Variants in DPP4 observed in about 807,000 individuals in gnomAD.
DPP4 encodes ADCP-2.
Under a neutral mutation model 122.4 loss-of-function variants are expected in DPP4, and 93 were observed. The ratio of observed to expected loss-of-function variants is 0.76; its 90% CI spans 0.64 to 0.90. The LOEUF (loss-of-function observed/expected upper bound fraction) is 0.90. DPP4 is among the 40% of genes least tolerant of loss of function. The pLI is 0.00. For synonymous variants in DPP4, 321 were observed against 302.9 expected (o/e 1.06, Z -0.62); for missense variants, 914 against 907.3 (o/e 1.01, Z -0.09).
rs75278801 is a variant in DPP4, at chr2:162,009,313, A to T, written c.1833-18T>A. ...AAAATTGTCTAAAACACAAGGAAAA[A>T]GTCCACAGATCAGTACTGCATTGTG... On this transcript the variant is annotated intron_variant, in intron 20 of 25. Transcript: ENST00000360534. 4.1e-3 allele frequency: 6,600 copies of T among 1,612,534 alleles called. 227 individuals are homozygous for T. In the African/African-American group the frequency reaches 0.076, roughly 19 times the overall value.
At chr2:161,998,971 A>G (rs1559703516) in intron 23 of DPP4, among the ~76,000 whole-genome samples, 3 of 152,256 alleles carry the variant, frequency 2.0e-5, no homozygotes, top group South Asian at 2.1e-4. Flanking sequence ...CAACTGCAAG[A>G]TAAGTGTGCC....
chr2:162,050,437 C>T (rs1454890256), intron 2 of DPP4, among the ~76,000 whole-genome samples: 1 of 152,168 alleles, frequency 6.6e-6, no homozygotes, highest in Non-Finnish European at 1.5e-5. Context: ...CACATTCAGG[C>T]TCCCTTCTGC....
At chr2:162,019,160 T>C in intron 15 of DPP4, 63 bp downstream of exon 15, 8 of 1,414,828 alleles carry the variant, frequency 5.7e-6, no homozygotes, top group Non-Finnish European at 7.9e-6. Flanking sequence ...AAAATAAAAA[T>C]AGAGTTCAGA....
intron 15 of DPP4, 88 bp downstream of exon 15, chr2:162,019,131 ATTAG>A (rs140360804): frequency 0.037 from 43,672 of 1,172,802 alleles, 2,643 homozygotes; most frequent in East Asian, 0.2. Flanking sequence ...CCAGTTTAAT[ATTAG>A]TTAGGACAAG....
At chr2:162,055,662 A>T (rs537995493) in intron 2 of DPP4, among the ~76,000 whole-genome samples, 1 of 150,234 alleles carries the variant, frequency 6.7e-6, no homozygotes. Flanking sequence ...ACAAAGTGAA[A>T]CTCTGTCTCA....
rs373144564 is a variant in DPP4, at chr2:162,019,412, C to T, written c.1245-136G>A. The T allele has an allele frequency of 9.1e-5, 51 of 563,042 alleles. No individual in the cohort carries two copies. In the African/African-American group the frequency reaches 9.1e-4, roughly 10 times the overall value. 34.9% of individuals were successfully genotyped at this position (563,042 alleles called of 1,614,324 possible). ...TGCCCGCCGCCCTCCGCCATCGCTT[C>T]CGTGTCCCTCACCCCCGAGAAGCCA... On this transcript the variant is annotated intron_variant, in intron 14 of 25. Transcript: ENST00000360534.
At chr2:162,046,851 T>C (rs780518495) in intron 4 of DPP4, 64 bp downstream of exon 4, 1 of 1,059,968 alleles carries the variant, frequency 9.4e-7, no homozygotes. Context: ...TACTCGTGAT[T>C]CCAAAGGTAA....
rs758495307 is a variant in DPP4 at position 162,016,884 on chromosome 2, A to G, written c.1469-18T>C. On this transcript the variant is annotated intron_variant, in intron 17 of 25. Coordinates refer to ENST00000360534, the MANE Select transcript of DPP4 (RefSeq NM_001935.4). Reference sequence around the variant, plus strand: ...TCTCAGCCCTAAAGAAATACAGGAGACAGCAGTCATTCATTACAATGTGAA... The same window carrying G: ...TCTCAGCCCTAAAGAAATACAGGAGGCAGCAGTCATTCATTACAATGTGAA... 66 of 1,592,768 alleles carry G rather than the reference A, an allele frequency of 4.1e-5. No homozygotes were observed. The highest frequency in any genetic ancestry group is 5.6e-5 in the Non-Finnish European group (66 of 1,171,018).
chr2:161,993,434 TA>T (rs397977835), intron 25 of DPP4, 50 bp from the exon 26 acceptor site: 49,952 of 950,154 alleles, frequency 0.053, no homozygotes, highest in South Asian at 0.062. Flanking sequence ...GTACTCTTCT[TA>T]AAAAAAAAAA....
At chr2:162,050,558 G>A (rs1684346026) in intron 2 of DPP4, among the ~76,000 whole-genome samples, 1 of 152,182 alleles carries the variant, frequency 6.6e-6, no homozygotes, top group African/African-American at 2.4e-5. Context: ...GCTTACCCTG[G>A]TCTGTGTGAG....
intron 12 of DPP4, among the ~76,000 whole-genome samples, chr2:162,021,857 T>G (rs1683140764): frequency 6.6e-6 from 1 of 151,884 alleles, no homozygotes; most frequent in Non-Finnish European, 1.5e-5. Flanking sequence ...CCACTTTTCA[T>G]GTTGGCAAAC....
chr2:162,005,989 G>T (rs952332557), intron 22 of DPP4, among the ~76,000 whole-genome samples, 180 bp from the exon 23 acceptor site: 1 of 152,106 alleles, frequency 6.6e-6, no homozygotes, highest in Non-Finnish European at 1.5e-5. Flanking sequence ...GCACCTTATG[G>T]GAGGTAATTT....
intron 2 of DPP4, among the ~76,000 whole-genome samples, chr2:162,061,956 T>C (rs1427035869): frequency 4.6e-5 from 7 of 152,120 alleles, no homozygotes; most frequent in Non-Finnish European, 8.8e-5. Flanking sequence ...GAAAAGGACA[T>C]GATTTGACTT....
intron 2 of DPP4, among the ~76,000 whole-genome samples, chr2:162,061,003 TCC>T (rs1684754184): frequency 2.5e-5 from 1 of 39,544 alleles, no homozygotes; most frequent in Non-Finnish European, 4.5e-5. Context: ...CCTCCCTCCC[TCC>T]CTCCTTCCTT....
chr2:162,012,106 G>T, intron 19 of DPP4, 119 bp from the exon 20 acceptor site: 1 of 950,382 alleles, frequency 1.1e-6, no homozygotes, highest in Non-Finnish European at 1.6e-6. Context: ...CTTAAACTGT[G>T]CCAGCCTATG....
chr2:162,032,050 A>G (rs1211128038), intron 10 of DPP4: 1 of 152,228 alleles, frequency 6.6e-6, no homozygotes, highest in Non-Finnish European at 1.5e-5. Flanking sequence ...AGCACAGCCC[A>G]CAGCCTTCCT....
At chr2:162,017,732 T>C (rs532455912) in intron 16 of DPP4, among the ~76,000 whole-genome samples, 7 of 152,372 alleles carry the variant, frequency 4.6e-5, no homozygotes, top group East Asian at 3.8e-4. Flanking sequence ...ACTGTGGTAG[T>C]TGCAGAGTGG....
At chr2:162,048,431 C>T (rs1011023022) in intron 2 of DPP4, among the ~76,000 whole-genome samples, 4 of 152,096 alleles carry the variant, frequency 2.6e-5, no homozygotes, top group African/African-American at 4.8e-5. Context: ...GTGATCCCTT[C>T]GCCAAAAGTT....
chr2:162,043,526 C>T (rs1684063574), intron 5 of DPP4, among the ~76,000 whole-genome samples: 2 of 152,190 alleles, frequency 1.3e-5, no homozygotes, highest in African/African-American at 2.4e-5. Context: ...AATCTCCAAC[C>T]GTGGCTGGCC....
Sources: gnomAD v4.1 joint callset for allele counts (sites outside exome capture counted in the v4.1 genomes callset) on GRCh38, gnomAD v4.1.1 for gene constraint, MANE v1.5 for transcripts, NCBI Gene and HGNC (gene_info 2026-07-23, HGNC 2026-07-21) for gene names.